Variants in TEX2 observed in about 807,000 individuals in gnomAD.
TEX2 encodes testis expressed 2, also known as testis-expressed protein 2.
TEX2 carries 53 observed loss-of-function variants against 106.9 expected under a neutral mutation model. The ratio of observed to expected loss-of-function variants is 0.50; its 90% CI spans 0.40 to 0.62. The LOEUF is 0.62. Among genes scored for constraint, TEX2 ranks in the 20% least tolerant of loss-of-function variants. The probability of loss-of-function intolerance (pLI) is 0.00; values close to 1 mark genes in which losing one functional copy is unlikely to be tolerated. For missense variants in TEX2, 1,207 were observed against 1,379.0 expected, an observed-to-expected ratio of 0.88 and a Z score of 1.98; for synonymous variants, 523 against 534.8, an observed-to-expected ratio of 0.98 and a Z score of 0.30.
At chr17:64,222,518 CA>C (rs11296538) in intron 1 of TEX2, among the ~76,000 whole-genome samples, 65,551 of 99,180 alleles carry the variant, frequency 0.66, 18,411 homozygotes, top group East Asian at 0.77. Flanking sequence ...TTCCAACTCA[CA>C]AAAAAAAAAA....
chr17:64,212,492 C>A (rs1044962031), intron 2 of TEX2, 82 bp downstream of exon 2: 2 of 1,346,788 alleles, frequency 1.5e-6, no homozygotes, highest in Admixed American at 4.4e-5. Flanking sequence ...TCTTTAACAG[C>A]TAACCAAAAA....
chr17:64,188,360 G>A lies in TEX2; in HGVS notation c.2232C>T (p.Ser744=), dbSNP rs1209098931. Residue 744 remains serine, a synonymous_variant, in exon 5 of 12, where the codon AGC becomes AGT. Coordinates refer to ENST00000584379, the MANE Select transcript of TEX2 (RefSeq NM_001288732.2). ...CCACACTGCCTTTGCTGCTGCTGCG[G>A]CTGTGGGTCAGGTGCCCGGACGGAC... ...HNSPSGHLTH[S]RSSSKGSVEE... 1 of 1,614,238 alleles carries A rather than the reference G, an allele frequency of 6.2e-7. No individual in the cohort carries two copies.
At chr17:64,258,556 G>C (rs1257386457) in intron 1 of TEX2, among the ~76,000 whole-genome samples, 2 of 152,136 alleles carry the variant, frequency 1.3e-5, no homozygotes, top group Non-Finnish European at 2.9e-5. Context: ...GTAAATGATA[G>C]TTACTCACAT....
intron 4 of TEX2, among the ~76,000 whole-genome samples, chr17:64,189,708 G>A (rs1373295772): frequency 1.3e-5 from 2 of 152,284 alleles, no homozygotes; most frequent in Middle Eastern, 3.4e-3. Flanking sequence ...CAGGCTGGGC[G>A]CGGTGGCTCA....
Position 64,164,387 on chromosome 17 carries a change from G to A in TEX2, c.2672-3454C>T, listed in dbSNP as rs570510077. Among the ~76,000 whole-genome samples, 119 of 151,684 alleles carry A rather than the reference G, an allele frequency of 7.8e-4. 1 individual carries two copies. Among genetic ancestry groups the A allele is most frequent in the African/African-American group, 2.7e-3 (111 of 41,292 alleles). On this transcript the variant is annotated intron_variant, in intron 7 of 11. Transcript: ENST00000584379. ...TGGGGGGCAGAGGTTGCAGTGAGCC[G>A]CGATCGCCCTACTGCACTCTAGCCT... is the stretch of plus-strand genomic sequence containing the variant.
At chr17:64,166,604 CTA>C (rs1310387089) in intron 7 of TEX2, among the ~76,000 whole-genome samples, 1 of 152,156 alleles carries the variant, frequency 6.6e-6, no homozygotes, top group African/African-American at 2.4e-5. Flanking sequence ...TGAAAAAGAG[CTA>C]TGTTTTCTAA....
chr17:64,233,502 G>T (rs1345701495), intron 1 of TEX2, among the ~76,000 whole-genome samples: 1 of 152,174 alleles, frequency 6.6e-6, no homozygotes, highest in Non-Finnish European at 1.5e-5. Flanking sequence ...GAACTTGGAG[G>T]GTGGAGGTTG....
chr17:64,224,052 C>T (rs2033439599), intron 1 of TEX2, among the ~76,000 whole-genome samples: 1 of 152,130 alleles, frequency 6.6e-6, no homozygotes, highest in Non-Finnish European at 1.5e-5. Flanking sequence ...TAAAATTCAG[C>T]CTGTTAGGCA....
chr17:64,190,752 C>A (rs939668220), intron 4 of TEX2, among the ~76,000 whole-genome samples: 1 of 152,200 alleles, frequency 6.6e-6, no homozygotes, highest in African/African-American at 2.4e-5. Context: ...CTGGGCACTG[C>A]TGGCTGGAAA....
intron 5 of TEX2, among the ~76,000 whole-genome samples, chr17:64,181,823 TA>T (rs898753671): frequency 6.1e-5 from 5 of 82,002 alleles, no homozygotes; most frequent in African/African-American, 2.6e-4. Context: ...GCTGGTTTTG[TA>T]TTTTTTTTTT....
intron 10 of TEX2, among the ~76,000 whole-genome samples, chr17:64,152,468 G>A (rs1281171724): frequency 2.0e-5 from 3 of 152,150 alleles, no homozygotes; most frequent in African/African-American, 7.2e-5. Flanking sequence ...CTAACTCAGG[G>A]AAGTCTCCCT....
rs376745152 is a variant in TEX2, at chr17:64,231,934, G to A, written c.-25-17692C>T. On this transcript the variant is annotated intron_variant, in intron 1 of 11. Coordinates refer to ENST00000584379, the MANE Select transcript of TEX2 (RefSeq NM_001288732.2). ...CAGGTGTGAGCACATCTTTTTATCC[G>A]TGCCGACTCAGCCTGTGGACTCACC... 1.1e-4 allele frequency among the ~76,000 whole-genome samples: 16 copies of A among 152,216 alleles called. 1 individual carries two copies. The South Asian group carries it at 2.9e-3, about 28-fold the overall frequency.
At position 64,153,622 on chromosome 17, in the gene TEX2, T is replaced by C. The variant is rs898475896; in HGVS notation, c.2931-468A>G. Among the ~76,000 whole-genome samples, 17 of 152,188 alleles carry C rather than the reference T, an allele frequency of 1.1e-4. No homozygotes were observed. On this transcript the variant is annotated intron_variant, in intron 9 of 11. Coordinates refer to ENST00000584379, the MANE Select transcript of TEX2 (RefSeq NM_001288732.2). This position sits in a 1 kb window ranked among gnomAD's most constrained non-coding sequence, Gnocchi z 4.1. ...GCAGCAAGTAACAAATCATGCTGCA[T>C]CAATAGGACATAAATCAGTAATTAA...
intron 2 of TEX2, among the ~76,000 whole-genome samples, chr17:64,198,404 T>C (rs1555629646): frequency 2.0e-5 from 3 of 150,822 alleles, no homozygotes; most frequent in Non-Finnish European, 1.5e-5. Context: ...ACTTCAGAGG[T>C]TGTTTATGCT....
intron 2 of TEX2, among the ~76,000 whole-genome samples, chr17:64,207,452 C>A (rs1555630888): frequency 6.6e-6 from 1 of 152,152 alleles, no homozygotes; most frequent in Non-Finnish European, 1.5e-5. Flanking sequence ...AAAAAGGCTT[C>A]CGTACCTTCC....
At chr17:64,225,109 T>A (rs1555633724) in intron 1 of TEX2, among the ~76,000 whole-genome samples, 1 of 151,708 alleles carries the variant, frequency 6.6e-6, no homozygotes, top group African/African-American at 2.4e-5. Context: ...TTTTTTTTTT[T>A]AAAGCAGAAA....
intron 1 of TEX2, among the ~76,000 whole-genome samples, chr17:64,220,978 T>TA (rs1297502259): frequency 6.6e-6 from 1 of 152,160 alleles, no homozygotes; most frequent in South Asian, 2.1e-4. Context: ...TAGACTGGAC[T>TA]AAAAAAATGT....
rs782668826 is a variant in TEX2 at position 64,214,007 on chromosome 17, C to T, written c.211G>A (p.Ala71Thr). ...DDQSIVTGLE[A>T]KEDLYLEPQV... ...GGTTCAAGATAGAGGTCTTCCTTGG[C>T]TTCCAGCCCTGTTACAATGCTTTGG... The change falls in exon 2 of 12, where the codon GCC (alanine) becomes ACC (threonine). Residue 71 changes from alanine to threonine, a missense_variant. This residue lies in a region of TEX2 where 1,067 missense variants were observed against 1,193.6 expected (regional missense o/e 0.89). Coordinates refer to ENST00000584379, the MANE Select transcript of TEX2 (RefSeq NM_001288732.2). 1 of 1,614,138 alleles carries T rather than the reference C, an allele frequency of 6.2e-7. No homozygotes were observed. Among genetic ancestry groups the T allele is most frequent in the African/African-American group, 1.3e-5 (1 of 74,946 alleles).
intron 6 of TEX2, among the ~76,000 whole-genome samples, chr17:64,171,622 C>G (rs2143737345): frequency 6.6e-6 from 1 of 152,120 alleles, no homozygotes; most frequent in African/African-American, 2.4e-5. Flanking sequence ...GTTAACAGTA[C>G]CCCACATTTG....
Sources: allele counts gnomAD v4.1 joint callset (sites outside exome capture counted in the v4.1 genomes callset), GRCh38; gene constraint gnomAD v4.1.1; regional missense constraint gnomAD v4.1.1; non-coding constraint Gnocchi (gnomAD v3.1); transcripts MANE v1.5; gene names NCBI Gene and HGNC (gene_info 2026-07-23, HGNC 2026-07-21).